The following DLG2 variants were observed in gnomAD, a reference collection of about 807,000 sequenced individuals.
The protein encoded by DLG2 is disks large homolog 2.
A neutral mutation model predicts 132.5 loss-of-function variants in DLG2; 45 were observed. The observed-to-expected ratio is 0.34, with a 90% CI of 0.27 to 0.44. The LOEUF (loss-of-function observed/expected upper bound fraction) is 0.44. Ranked by LOEUF, DLG2 falls within the 20% of genes least tolerant of loss-of-function variation. DLG2 has a pLI of 1.00. For missense variants in DLG2, 1,045 were observed against 1,196.9 expected, an observed-to-expected ratio of 0.87 and a Z score of 1.87; for synonymous variants, 424 against 419.6, an observed-to-expected ratio of 1.01 and a Z score of -0.13.
intron 6 of DLG2, among the ~76,000 whole-genome samples, chr11:85,010,827 A>C (rs541437338): frequency 4.1e-4 from 62 of 152,306 alleles, no homozygotes; most frequent in African/African-American, 1.5e-3. Flanking sequence ...TCCACCGCAA[A>C]ACAAAAACCA....
chr11:85,143,571 T>TA (rs2076637702), intron 5 of DLG2, among the ~76,000 whole-genome samples: 1 of 151,774 alleles, frequency 6.6e-6, no homozygotes. Flanking sequence ...CTTATTGGTA[T>TA]ACTTCCATCT....
intron 6 of DLG2, among the ~76,000 whole-genome samples, chr11:84,954,112 C>G (rs554906804): frequency 6.6e-6 from 1 of 152,214 alleles, no homozygotes; most frequent in South Asian, 2.1e-4. Flanking sequence ...GTCACGGTGA[C>G]TCTTTAGTGC....
chr11:84,957,099 G>A (rs970380117), intron 6 of DLG2, among the ~76,000 whole-genome samples: 1 of 152,096 alleles, frequency 6.6e-6, no homozygotes, highest in Non-Finnish European at 1.5e-5. Flanking sequence ...AACAACCTTA[G>A]GGGAGAGATA....
At chr11:85,254,333 A>C (rs1196964523) in intron 4 of DLG2, among the ~76,000 whole-genome samples, 1 of 152,266 alleles carries the variant, frequency 6.6e-6, no homozygotes, top group Non-Finnish European at 1.5e-5. Context: ...AACAGGTTAC[A>C]AAACAGTATA....
At chr11:84,212,509 TAAG>T (rs2096769552) in intron 8 of DLG2, among the ~76,000 whole-genome samples, 1 of 152,234 alleles carries the variant, frequency 6.6e-6, no homozygotes, top group Non-Finnish European at 1.5e-5. Context: ...AATTTTATTT[TAAG>T]AAGTAGTGGC....
chr11:84,606,902 T>C (rs1264658567), intron 6 of DLG2, among the ~76,000 whole-genome samples: 1 of 152,134 alleles, frequency 6.6e-6, no homozygotes, highest in Non-Finnish European at 1.5e-5. Flanking sequence ...CCCTGGACCC[T>C]CGCATGTACC....
At chr11:84,821,509 T>C (rs999791760) in intron 6 of DLG2, among the ~76,000 whole-genome samples, 1 of 151,668 alleles carries the variant, frequency 6.6e-6, no homozygotes, top group Non-Finnish European at 1.5e-5. Context: ...TTATTTTAGA[T>C]TGTTTTTCAA....
intron 3 of DLG2, among the ~76,000 whole-genome samples, chr11:85,518,542 C>T (rs1171803524): frequency 6.6e-6 from 1 of 152,132 alleles, no homozygotes; most frequent in East Asian, 1.9e-4. Flanking sequence ...CTATTAAAGG[C>T]ATTCAATTTT....
At position 83,558,848 on chromosome 11, in the gene DLG2, CGTGTGTGT is replaced by C. The variant is rs3039336; in HGVS notation, c.1941-16998_1941-16991del. On this transcript the variant is annotated intron_variant, in intron 19 of 27. Coordinates refer to ENST00000376104, the MANE Select transcript of DLG2 (RefSeq NM_001142699.3). ...CCCGGTAAAAAACAGTGCTAGATGT[CGTGTGTGT>C]GTGTGTGTGTGTGTGTGTGTGTGTG... 7.2e-4 allele frequency among the ~76,000 whole-genome samples: 102 copies of C among 142,328 alleles called. No homozygotes were observed. The East Asian group carries it at 0.012, about 17-fold the overall frequency. The allele number at this position is 142,328 out of a possible 152,430, so 93.4% of individuals were successfully genotyped here.
At chr11:85,605,312 C>T (rs567373964) in intron 2 of DLG2, among the ~76,000 whole-genome samples, 2 of 152,168 alleles carry the variant, frequency 1.3e-5, no homozygotes, top group Admixed American at 6.5e-5. Context: ...ACCCTTAATC[C>T]TCCAGAAATG....
At chr11:84,225,341 T>C (rs2096975785) in intron 8 of DLG2, among the ~76,000 whole-genome samples, 1 of 152,248 alleles carries the variant, frequency 6.6e-6, no homozygotes, top group South Asian at 2.1e-4. Flanking sequence ...CAGAGATTAT[T>C]CAGCTTCATT....
At chr11:84,961,264 C>T (rs1450894333) in intron 6 of DLG2, among the ~76,000 whole-genome samples, 1 of 151,668 alleles carries the variant, frequency 6.6e-6, no homozygotes. Context: ...GTAAAAATTC[C>T]AACACAGGGT....
chr11:84,471,629 G>C (rs552879198), intron 7 of DLG2, among the ~76,000 whole-genome samples: 1 of 151,826 alleles, frequency 6.6e-6, no homozygotes, highest in Admixed American at 6.6e-5. Context: ...GGGAAGGGGT[G>C]AACAGCCAAT....
intron 3 of DLG2, among the ~76,000 whole-genome samples, chr11:85,593,626 C>T (rs1011094681): frequency 6.6e-6 from 1 of 152,162 alleles, no homozygotes; most frequent in Admixed American, 6.5e-5. Context: ...ATTCACACAA[C>T]TGTAGGGGCC....
chr11:84,195,207 G>A (rs187122108), intron 8 of DLG2, among the ~76,000 whole-genome samples: 1,557 of 152,150 alleles, frequency 0.01, 26 homozygotes, highest in African/African-American at 0.035. Context: ...CTCTGTTGCC[G>A]GGCTGGAGTG....
chr11:85,036,810 A>G (rs1265476381), intron 6 of DLG2, among the ~76,000 whole-genome samples: 2 of 152,220 alleles, frequency 1.3e-5, no homozygotes, highest in Non-Finnish European at 2.9e-5. Context: ...CTGACTATCT[A>G]CAACAGGGAT....
At chr11:85,604,070 C>G (rs1347792318) in intron 2 of DLG2, among the ~76,000 whole-genome samples, 2 of 152,106 alleles carry the variant, frequency 1.3e-5, no homozygotes, top group African/African-American at 4.8e-5. Flanking sequence ...TATATTTATC[C>G]AATAACTATA....
chr11:85,145,860 T>C (rs1566932467), intron 5 of DLG2, among the ~76,000 whole-genome samples: 1 of 152,124 alleles, frequency 6.6e-6, no homozygotes, highest in Non-Finnish European at 1.5e-5. Context: ...GTTTAGTAGA[T>C]CATGTTTTCC....
chr11:85,558,729 G>A (rs1413374654), intron 3 of DLG2, among the ~76,000 whole-genome samples: 1 of 151,762 alleles, frequency 6.6e-6, no homozygotes, highest in Non-Finnish European at 1.5e-5. Context: ...TTATACATAG[G>A]AGCTGAATAT....
Sources: gnomAD v4.1 joint callset for allele counts (sites outside exome capture counted in the v4.1 genomes callset) on GRCh38, gnomAD v4.1.1 for gene constraint, MANE v1.5 for transcripts, NCBI Gene and HGNC (gene_info 2026-07-23, HGNC 2026-07-21) for gene names.